NRCAM: variants seen among roughly 807,000 people sequenced by gnomAD.
The protein encoded by NRCAM is NgCAM-related cell adhesion molecule.
A neutral mutation model predicts 156.5 loss-of-function variants in NRCAM; 83 were observed. That is an observed-to-expected ratio of 0.53 (90% CI 0.44 to 0.64). The LOEUF is 0.64. Among genes scored for constraint, NRCAM ranks in the 30% least tolerant of loss-of-function variants. NRCAM has a pLI of 0.00. For synonymous variants in NRCAM, 538 were observed against 563.9 expected (o/e 0.95, Z 0.65); for missense variants, 1,417 against 1,597.3 (o/e 0.89, Z 1.92).
chr7:108,265,444 G>A (rs764049776), intron 3 of NRCAM, among the ~76,000 whole-genome samples: 6 of 152,164 alleles, frequency 3.9e-5, no homozygotes, highest in Non-Finnish European at 5.9e-5. Context: ...CAGTTTAACA[G>A]TGGGTAGAGT....
Position 108,445,850 on chromosome 7 carries a change from C to T in NRCAM, c.-332+10393G>A, listed in dbSNP as rs528574167. Reference sequence around the variant, plus strand: ...AACCCACTAACTAGTTACGAAAGGCCATGCTGTAGTTCAACTCACATCTTA... The same window carrying T: ...AACCCACTAACTAGTTACGAAAGGCTATGCTGTAGTTCAACTCACATCTTA... On this transcript the variant is annotated intron_variant, in intron 1 of 32. Coordinates refer to ENST00000379028, the MANE Select transcript of NRCAM (RefSeq NM_001037132.4). Among the ~76,000 whole-genome samples the T allele has an allele frequency of 2.0e-4, 30 of 152,276 alleles. 1 individual carries two copies. The South Asian group carries it at 4.1e-3, about 21-fold the overall frequency.
In NRCAM at chr7:108,207,550, T is replaced by C; in HGVS notation, c.1185A>G (p.Leu395=). The change falls in exon 13 of 33, where the codon TTA becomes TTG. Residue 395 remains leucine, a synonymous_variant. Transcript: ENST00000379028. ...NGNPKPRISW[L]TNGVPIEIAP... ...TACTTTCTATTGGGACTCCATTTGT[T>C]AACCAGCTAATTCTGGGTTTGGGGT... is the stretch of plus-strand genomic sequence containing the variant. 1 of 1,614,050 alleles carries C rather than the reference T, an allele frequency of 6.2e-7. No individual in the cohort carries two copies. Among genetic ancestry groups the C allele is most frequent in the Non-Finnish European group, 8.5e-7 (1 of 1,179,964 alleles).
chr7:108,291,267 A>G (rs1406992164), intron 3 of NRCAM, among the ~76,000 whole-genome samples: 1 of 152,168 alleles, frequency 6.6e-6, no homozygotes. Context: ...AATACTACTT[A>G]ATTGGACTCC....
chr7:108,353,558 C>A (rs1191577158), intron 2 of NRCAM, among the ~76,000 whole-genome samples: 1 of 152,096 alleles, frequency 6.6e-6, no homozygotes, highest in Non-Finnish European at 1.5e-5. Flanking sequence ...TGGGCTCAAG[C>A]AATCTTCCCG....
At chr7:108,195,505 A>T (rs1218175617) in intron 15 of NRCAM, among the ~76,000 whole-genome samples, 2 of 151,698 alleles carry the variant, frequency 1.3e-5, no homozygotes, top group Non-Finnish European at 2.9e-5. Flanking sequence ...AGGCCCAGAT[A>T]CTCTAGAGGC....
At chr7:108,399,755 C>T (rs182421253) in intron 1 of NRCAM, among the ~76,000 whole-genome samples, 162 bp from the exon 2 acceptor site, 63 of 152,234 alleles carry the variant, frequency 4.1e-4, no homozygotes, top group African/African-American at 1.4e-3. Flanking sequence ...TACTTAATGA[C>T]ATCAATGTCT....
rs2081844425 is a variant in NRCAM at position 108,207,590 on chromosome 7, C to A, written c.1145G>T (p.Cys382Phe). ...LSPGEDGTLI[C>F]RANGNPKPRI... ...GGGTTTGGGGTTGCCATTAGCTCTG[C>A]AGATCAAGGTCCCATCCTCTCCTGG... The change falls in exon 13 of 33, where the codon TGC (cysteine) becomes TTC (phenylalanine). Residue 382 changes from cysteine to phenylalanine, a missense_variant. This residue lies in a region of NRCAM where 1,238 missense variants were observed against 1,336.4 expected (regional missense o/e 0.93). Transcript: ENST00000379028. 2 of 1,613,892 alleles carry A rather than the reference C, an allele frequency of 1.2e-6. No homozygotes were observed. The highest frequency in any genetic ancestry group is 1.7e-6 in the Non-Finnish European group (2 of 1,179,836).
intron 30 of NRCAM, among the ~76,000 whole-genome samples, chr7:108,161,389 G>T (rs1262195192): frequency 6.6e-6 from 1 of 152,146 alleles, no homozygotes; most frequent in Non-Finnish European, 1.5e-5. Context: ...AGCATTTCGG[G>T]TATTATTTTA....
At chr7:108,392,069 A>G (rs940975496) in intron 2 of NRCAM, among the ~76,000 whole-genome samples, 2 of 152,036 alleles carry the variant, frequency 1.3e-5, no homozygotes, top group East Asian at 1.9e-4. Flanking sequence ...TGCTCTTCTC[A>G]AGGAGTATCT....
intron 2 of NRCAM, among the ~76,000 whole-genome samples, chr7:108,379,209 T>C (rs2099690268): frequency 6.6e-6 from 1 of 152,102 alleles, no homozygotes; most frequent in South Asian, 2.1e-4. Context: ...AATATAATTA[T>C]CAGATATTAA....
Position 108,182,580 on chromosome 7 carries a change from C to T in NRCAM, c.2530+115G>A, listed in dbSNP as rs1372760130. On this transcript the variant is annotated intron_variant, in intron 23 of 32. Transcript: ENST00000379028. ...GCAGGCTGTTTAAATTCAGAGAAGT[C>T]GTGCAAAATAATTGCCACCTCCCTC... 15 of 808,868 alleles carry T rather than the reference C, an allele frequency of 1.9e-5. 1 individual carries two copies. The highest frequency in any genetic ancestry group is 3.6e-4 in the Middle Eastern group (1 of 2,792). The allele number at this position is 808,868 out of a possible 1,614,324, so 50.1% of individuals were successfully genotyped here. A position where few individuals can be genotyped will look rare whatever the true frequency, so the allele number is the denominator to read the frequency against.
At chr7:108,347,651 G>A (rs1019347532) in intron 2 of NRCAM, among the ~76,000 whole-genome samples, 4 of 152,302 alleles carry the variant, frequency 2.6e-5, no homozygotes, top group East Asian at 1.9e-4. Context: ...CAATTCAGGA[G>A]TGGAAGTTGT....
chr7:108,351,785 G>T (rs149742098), intron 2 of NRCAM, among the ~76,000 whole-genome samples: 1 of 151,260 alleles, frequency 6.6e-6, no homozygotes, highest in East Asian at 1.9e-4. Context: ...AAGTAAGCTG[G>T]CTAAGGATAT....
At chr7:108,164,334 T>A (rs1006818325) in intron 30 of NRCAM, among the ~76,000 whole-genome samples, 1 of 151,922 alleles carries the variant, frequency 6.6e-6, no homozygotes, top group African/African-American at 2.4e-5. Context: ...GGAAAAAAAT[T>A]AAGAAATATA....
At chr7:108,255,378 G>A (rs1385360738) in intron 3 of NRCAM, among the ~76,000 whole-genome samples, 2 of 152,298 alleles carry the variant, frequency 1.3e-5, no homozygotes, top group Non-Finnish European at 2.9e-5. Context: ...GTGTTGGCTG[G>A]GCTGGTCTCC....
intron 30 of NRCAM, among the ~76,000 whole-genome samples, chr7:108,165,751 T>C (rs1248837268): frequency 2.0e-5 from 3 of 152,244 alleles, no homozygotes; most frequent in Non-Finnish European, 4.4e-5. Context: ...AAACCACTTA[T>C]GATTTATATT....
intron 2 of NRCAM, among the ~76,000 whole-genome samples, chr7:108,387,960 GA>G (rs1468695848): frequency 6.6e-6 from 1 of 152,140 alleles, no homozygotes; most frequent in Admixed American, 6.5e-5. Flanking sequence ...GTCGATCATT[GA>G]TGGACATTTG....
In NRCAM at chr7:108,194,090, T is replaced by C. The variant is rs777675836; in HGVS notation, c.1712A>G (p.His571Arg). ...GACAGTGAGGGATAAGGTGTGATCA[T>C]GTTTCACTTTGCATTCAAAGGACAC... Reference protein sequence around the residue: ...SMVSFECKVKHDHTLSLTVLW... With the variant: ...SMVSFECKVKRDHTLSLTVLW... The change falls in exon 17 of 33, where the codon CAT (histidine) becomes CGT (arginine). Residue 571 changes from histidine (H) to arginine (R), a missense_variant. By Grantham distance (29) the His-to-Arg change is conservative. Around this residue, in one of 2 missense-constraint regions of NRCAM, gnomAD observed 1,238 missense variants for 1,336.4 expected, o/e 0.93. Transcript: ENST00000379028. The C allele has an allele frequency of 6.2e-7, 1 of 1,614,096 alleles. No individual in the cohort carries two copies. Among genetic ancestry groups the C allele is most frequent in the African/African-American group, 1.3e-5 (1 of 74,946 alleles).
chr7:108,178,077 G>T lies in NRCAM; in HGVS notation c.2887C>A (p.Pro963Thr). 1 of 1,613,518 alleles carries T rather than the reference G, an allele frequency of 6.2e-7. No homozygotes were observed. The highest frequency in any genetic ancestry group is 8.5e-7 in the Non-Finnish European group (1 of 1,179,636). Residue 963 changes from proline (P) to threonine (T), a missense_variant, in exon 26 of 33, where the codon CCA (proline) becomes ACA (threonine). Around this residue, in one of 2 missense-constraint regions of NRCAM, gnomAD observed 1,238 missense variants for 1,336.4 expected, o/e 0.93. Transcript: ENST00000379028. ...TCCAAAGTGAGAGAGTCCAGTGTTGGATTCACAATCTTCAAAGACGAGGGA... is the reference window on the plus strand; with the variant it reads ...TCCAAAGTGAGAGAGTCCAGTGTTGTATTCACAATCTTCAAAGACGAGGGA... Reference protein sequence around the residue: ...SAPSSLKIVNPTLDSLTLEWD... With the variant: ...SAPSSLKIVNTTLDSLTLEWD...
Sources: allele counts gnomAD v4.1 joint callset (sites outside exome capture counted in the v4.1 genomes callset), GRCh38; gene constraint gnomAD v4.1.1; regional missense constraint gnomAD v4.1.1; transcripts MANE v1.5; gene names NCBI Gene and HGNC (gene_info 2026-07-23, HGNC 2026-07-21).